SPCS2: variants seen among roughly 807,000 people sequenced by gnomAD.
The protein encoded by SPCS2 is signal peptidase complex subunit 2.
In SPCS2, 3 loss-of-function variants were observed where a neutral mutation model predicts 22.3. The observed-to-expected ratio is 0.13, with a 90% CI of 0.06 to 0.35. SPCS2 has a LOEUF of 0.35. Ranked by LOEUF, SPCS2 falls within the 10% of genes least tolerant of loss-of-function variation. The pLI is 1.00. For synonymous variants in SPCS2, 67 were observed against 97.2 expected, an observed-to-expected ratio of 0.69 and a Z score of 1.83; for missense variants, 169 against 280.9, an observed-to-expected ratio of 0.60 and a Z score of 2.85.
intron 4 of SPCS2, among the ~76,000 whole-genome samples, chr11:74,970,486 G>A (rs1322805025): frequency 6.6e-6 from 1 of 152,172 alleles, no homozygotes; most frequent in Non-Finnish European, 1.5e-5. Flanking sequence ...TCCAGCCCAA[G>A]TTTGAAACCA....
At chr11:74,952,678 T>C (rs759919362) in intron 1 of SPCS2, among the ~76,000 whole-genome samples, 26 of 152,152 alleles carry the variant, frequency 1.7e-4, no homozygotes, top group South Asian at 8.3e-4. Flanking sequence ...CTGTCTGTGG[T>C]AAAAAATAGA....
chr11:74,965,158 G>A (rs1948536281), intron 2 of SPCS2, 41 bp downstream of exon 2: 2 of 1,275,832 alleles, frequency 1.6e-6, no homozygotes, highest in African/African-American at 1.5e-5. Context: ...CTATACAGCT[G>A]ATGGCCATCT....
At chr11:74,970,852 CT>C (rs1948580063) in intron 4 of SPCS2, among the ~76,000 whole-genome samples, 1 of 152,090 alleles carries the variant, frequency 6.6e-6, no homozygotes, top group Admixed American at 6.6e-5. Flanking sequence ...TTTTTAAGAA[CT>C]TTTATATAAT....
At chr11:74,965,632 TGTG>T in intron 2 of SPCS2, 128 bp from the exon 3 acceptor site, 1 of 688,766 alleles carries the variant, frequency 1.5e-6, no homozygotes, top group South Asian at 2.1e-5. Context: ...ACTTGTTTGG[TGTG>T]GTAAAATCCC....
intron 3 of SPCS2, among the ~76,000 whole-genome samples, chr11:74,967,429 AT>A (rs577218212): frequency 1.5e-3 from 176 of 119,678 alleles, no homozygotes; most frequent in African/African-American, 5.2e-3. Flanking sequence ...TGTCAGTTTT[AT>A]TTATAATGTA....
chr11:74,950,454 A>G (rs1243008884), intron 1 of SPCS2, among the ~76,000 whole-genome samples: 1 of 152,240 alleles, frequency 6.6e-6, no homozygotes, highest in African/African-American at 2.4e-5. Flanking sequence ...AACACATGGT[A>G]GGTGCTTAAG....
chr11:74,952,390 T>G (rs1295262157), intron 1 of SPCS2, among the ~76,000 whole-genome samples: 3 of 152,220 alleles, frequency 2.0e-5, no homozygotes, highest in Non-Finnish European at 4.4e-5. Context: ...TTCATACATA[T>G]TATAGGCTTG....
At chr11:74,974,751 A>T in intron 4 of SPCS2, among the ~76,000 whole-genome samples, 1 of 152,152 alleles carries the variant, frequency 6.6e-6, no homozygotes, top group East Asian at 1.9e-4. Context: ...AATAGCTGGG[A>T]CTACAGGCAC....
intron 4 of SPCS2, among the ~76,000 whole-genome samples, chr11:74,974,262 A>G (rs1165179901): frequency 1.3e-5 from 2 of 152,200 alleles, no homozygotes; most frequent in African/African-American, 4.8e-5. Flanking sequence ...CCTCTTCTCT[A>G]TGATGAAGAT....
At chr11:74,969,477 CATT>C in intron 3 of SPCS2, 85 bp from the exon 4 acceptor site, 2 of 1,284,570 alleles carry the variant, frequency 1.6e-6, no homozygotes, top group Non-Finnish European at 2.2e-6. Context: ...TTAGGACTAT[CATT>C]ATGAAAGTTT....
At chr11:74,958,268 A>G (rs911775509) in intron 1 of SPCS2, among the ~76,000 whole-genome samples, 6 of 152,380 alleles carry the variant, frequency 3.9e-5, no homozygotes, top group Non-Finnish European at 8.8e-5. Flanking sequence ...AACTCCAGTG[A>G]TGAATGCAGT....
intron 1 of SPCS2, among the ~76,000 whole-genome samples, chr11:74,956,676 A>G (rs1948481140): frequency 6.6e-6 from 1 of 152,188 alleles, no homozygotes; most frequent in African/African-American, 2.4e-5. Flanking sequence ...GTTTTAAAAC[A>G]TAGATCACTC....
intron 1 of SPCS2, among the ~76,000 whole-genome samples, chr11:74,951,365 C>G (rs572594749): frequency 1.3e-5 from 2 of 152,078 alleles, no homozygotes; most frequent in Non-Finnish European, 2.9e-5. Context: ...ATCAAGAATC[C>G]TACTGTCAGA....
chr11:74,972,069 ATTC>A (rs1185680480), intron 4 of SPCS2, among the ~76,000 whole-genome samples: 2 of 151,548 alleles, frequency 1.3e-5, no homozygotes, highest in Non-Finnish European at 2.9e-5. Flanking sequence ...GGTCCTAGTT[ATTC>A]TTTTTTTTTT....
intron 1 of SPCS2, among the ~76,000 whole-genome samples, chr11:74,960,562 C>G (rs1285319607): frequency 6.7e-6 from 1 of 150,330 alleles, no homozygotes; most frequent in Non-Finnish European, 1.5e-5. Flanking sequence ...AATCAAGATA[C>G]AATGTATAGC....
At position 74,960,440 on chromosome 11, in the gene SPCS2, G is replaced by C. The variant is rs138924801; in HGVS notation, c.115-4594G>C. Among the ~76,000 whole-genome samples, 259 of 151,202 alleles carry C rather than the reference G, an allele frequency of 1.7e-3. 1 individual carries two copies. The highest frequency in any genetic ancestry group is 6.2e-3 in the East Asian group (32 of 5,176). On this transcript the variant is annotated intron_variant, in intron 1 of 4. Coordinates refer to ENST00000263672, the MANE Select transcript of SPCS2 (RefSeq NM_014752.3). ...CCAAATTGCAGTTGGTTTTACATTG[G>C]GGGGGGAGGTTCAACATTTTTGATA...
intron 3 of SPCS2, among the ~76,000 whole-genome samples, 195 bp downstream of exon 3, chr11:74,966,118 T>G (rs571006371): frequency 6.6e-6 from 1 of 152,354 alleles, no homozygotes; most frequent in African/African-American, 2.4e-5. Context: ...TTTTATGTTT[T>G]GTATGGTTAT....
At chr11:74,968,784 C>G (rs1294813442) in intron 3 of SPCS2, among the ~76,000 whole-genome samples, 1 of 152,138 alleles carries the variant, frequency 6.6e-6, no homozygotes, top group Non-Finnish European at 1.5e-5. Flanking sequence ...CTCAGCCTCC[C>G]AAAGTGCTGG....
At chr11:74,968,509 G>GT (rs1244678718) in intron 3 of SPCS2, among the ~76,000 whole-genome samples, 29 of 136,214 alleles carry the variant, frequency 2.1e-4, no homozygotes, top group Admixed American at 1.2e-3. Flanking sequence ...GTTTTTGTGG[G>GT]TTTTTTTTGT....
Sources: allele counts gnomAD v4.1 joint callset (sites outside exome capture counted in the v4.1 genomes callset), GRCh38; gene constraint gnomAD v4.1.1; transcripts MANE v1.5; gene names NCBI Gene and HGNC (gene_info 2026-07-23, HGNC 2026-07-21).